SUPT3H: variants seen among roughly 807,000 people sequenced by gnomAD.
SUPT3H encodes SPT3 homolog, SAGA and STAGA complex component.
Under a neutral mutation model 44.3 loss-of-function variants are expected in SUPT3H, and 44 were observed. The observed-to-expected ratio is 0.99, with a 90% CI of 0.78 to 1.28. SUPT3H has a LOEUF of 1.28. Ranked by LOEUF, SUPT3H falls within the 50% of genes most tolerant of loss-of-function variation. SUPT3H has a pLI of 0.00. For missense variants in SUPT3H, 380 were observed against 387.1 expected (o/e 0.98, Z 0.15); for synonymous variants, 124 against 125.6 (o/e 0.99, Z 0.09).
chr6:45,312,026 C>T (rs1480399278), intron 2 of SUPT3H, among the ~76,000 whole-genome samples: 2 of 152,124 alleles, frequency 1.3e-5, no homozygotes, highest in Non-Finnish European at 2.9e-5. Context: ...TTATAACATA[C>T]AGAATTGCAG....
At chr6:44,890,288 T>G (rs1311416159) in intron 10 of SUPT3H, among the ~76,000 whole-genome samples, 3 of 150,722 alleles carry the variant, frequency 2.0e-5, no homozygotes, top group Admixed American at 6.7e-5. Context: ...TAAATCATGC[T>G]GCTATAAAGA....
intron 10 of SUPT3H, among the ~76,000 whole-genome samples, chr6:44,855,312 T>G (rs1475465369): frequency 6.6e-6 from 1 of 152,180 alleles, no homozygotes; most frequent in Non-Finnish European, 1.5e-5. Context: ...GCAGCAGTTT[T>G]TCATCTCCCC....
intron 2 of SUPT3H, among the ~76,000 whole-genome samples, chr6:45,227,963 G>A (rs995637119): frequency 1.1e-4 from 17 of 151,442 alleles, no homozygotes; most frequent in South Asian, 6.3e-4. Context: ...TAAGAATGGC[G>A]AAGAAAACAA....
chr6:45,047,608 T>C lies in SUPT3H; in HGVS notation c.187-26976A>G, dbSNP rs185389017. Among the ~76,000 whole-genome samples the C allele has an allele frequency of 7.2e-5, 11 of 152,240 alleles. No homozygotes were observed. The East Asian group carries it at 1.9e-3, about 27-fold the overall frequency. ...AAAAGGAGTTTTCAGATGGGAGAAATAACAGCATGTCTTTATTCTGATAAG... is the reference window on the plus strand; with the variant it reads ...AAAAGGAGTTTTCAGATGGGAGAAACAACAGCATGTCTTTATTCTGATAAG... On this transcript the variant is annotated intron_variant, in intron 3 of 10. Transcript: ENST00000371459.
intron 10 of SUPT3H, among the ~76,000 whole-genome samples, chr6:44,849,903 G>C (rs1381076578): frequency 1.3e-5 from 2 of 152,202 alleles, no homozygotes; most frequent in Non-Finnish European, 2.9e-5. Flanking sequence ...TGTTGGCAAT[G>C]TATTTAGCTG....
chr6:45,037,135 T>C (rs930889800), intron 3 of SUPT3H, among the ~76,000 whole-genome samples: 1 of 151,638 alleles, frequency 6.6e-6, no homozygotes, highest in African/African-American at 2.4e-5. Flanking sequence ...TATAAGAAAA[T>C]GCAAATATAG....
rs1013279410 is a variant in SUPT3H at position 45,277,350 on chromosome 6, T to C, written c.101+87851A>G. Among the ~76,000 whole-genome samples the C allele has an allele frequency of 2.0e-5, 3 of 152,212 alleles. 1 individual carries two copies. The highest frequency in any genetic ancestry group is 6.3e-3 in the Middle Eastern group (2 of 316). ...TAGAATTATTATCTAGGATTAGCACTTCTAATATGTCTGGAATCCTCAGGC... is the reference window on the plus strand; with the variant it reads ...TAGAATTATTATCTAGGATTAGCACCTCTAATATGTCTGGAATCCTCAGGC... On this transcript the variant is annotated intron_variant, in intron 2 of 10. Transcript: ENST00000371459.
At chr6:45,244,700 C>G (rs1202744334) in intron 2 of SUPT3H, among the ~76,000 whole-genome samples, 2 of 152,094 alleles carry the variant, frequency 1.3e-5, no homozygotes, top group Non-Finnish European at 2.9e-5. Flanking sequence ...TGCTATTACA[C>G]CTCAGTAAAC....
intron 3 of SUPT3H, among the ~76,000 whole-genome samples, chr6:45,097,296 A>C (rs1247001321): frequency 2.0e-5 from 3 of 152,192 alleles, no homozygotes; most frequent in East Asian, 3.9e-4. Flanking sequence ...TTAGTCAGGA[A>C]GTTTGCTACA....
chr6:45,313,337 A>G (rs986440719), intron 2 of SUPT3H, among the ~76,000 whole-genome samples: 1 of 152,126 alleles, frequency 6.6e-6, no homozygotes, highest in African/African-American at 2.4e-5. Flanking sequence ...ACAGTACAAA[A>G]GATACATGAA....
intron 2 of SUPT3H, among the ~76,000 whole-genome samples, chr6:45,175,446 A>T (rs1216350079): frequency 6.6e-6 from 1 of 152,136 alleles, no homozygotes; most frequent in Non-Finnish European, 1.5e-5. Context: ...CATGGGGGAA[A>T]CTGCCCCCAT....
At chr6:45,179,596 T>TCCAGCATATCAACGGAA (rs1201197676) in intron 2 of SUPT3H, among the ~76,000 whole-genome samples, 3 of 152,248 alleles carry the variant, frequency 2.0e-5, no homozygotes, top group Admixed American at 2.0e-4. Context: ...ATAAATGTAA[T>TCCAGCATATCAACGGAA]CCAGCATATC....
At chr6:44,940,697 T>C (rs1167112450) in intron 9 of SUPT3H, among the ~76,000 whole-genome samples, 2 of 152,148 alleles carry the variant, frequency 1.3e-5, no homozygotes, top group African/African-American at 4.8e-5. Flanking sequence ...AGTCTAGTAA[T>C]ATTTGTTTAG....
chr6:45,205,500 A>C (rs1478347228), intron 2 of SUPT3H, among the ~76,000 whole-genome samples: 6 of 152,312 alleles, frequency 3.9e-5, no homozygotes, highest in Non-Finnish European at 4.4e-5. Flanking sequence ...AAGAAAAGGA[A>C]GCTCAAAAAA....
At chr6:44,825,857 AT>A (rs1382308537), downstream of SUPT3H, among the ~76,000 whole-genome samples, 2 of 152,180 alleles carry the variant, frequency 1.3e-5, no homozygotes, top group Non-Finnish European at 2.9e-5. Context: ...TTCAGTAGTG[AT>A]GAGCAGAAAA....
intron 3 of SUPT3H, among the ~76,000 whole-genome samples, chr6:45,072,970 T>C (rs1310826415): frequency 6.6e-6 from 1 of 152,140 alleles, no homozygotes; most frequent in Non-Finnish European, 1.5e-5. Flanking sequence ...GAAACAATAG[T>C]ATCATTTATT....
chr6:44,926,308 G>A lies in SUPT3H; in HGVS notation c.912+6345C>T, dbSNP rs539267278. On this transcript the variant is annotated intron_variant, in intron 10 of 10. Transcript: ENST00000371459. ...ACAATTTTTTAAATCTTAAGACAAC[G>A]GAATATTATAGAGGAAAATACCAGT... Among the ~76,000 whole-genome samples the A allele has an allele frequency of 2.6e-5, 4 of 151,710 alleles. No homozygotes were observed. In the East Asian group the frequency reaches 7.7e-4, roughly 29 times the overall value.
At chr6:44,984,858 A>G (rs1008485592) in intron 6 of SUPT3H, among the ~76,000 whole-genome samples, 13 of 152,196 alleles carry the variant, frequency 8.5e-5, no homozygotes, top group African/African-American at 2.9e-4. Flanking sequence ...TCCTTTACAT[A>G]GTAGGAAATA....
rs1480561518 is a variant in SUPT3H, at chr6:45,328,795, C to A, written c.101+36406G>T. Reference sequence around the variant, plus strand: ...AAAACTTCTTTTGGGGTAAGTGTTACCATTTTTAAAATCCTGTAAGATATG... The same window carrying A: ...AAAACTTCTTTTGGGGTAAGTGTTAACATTTTTAAAATCCTGTAAGATATG... On this transcript the variant is annotated intron_variant, in intron 2 of 10. Coordinates refer to ENST00000371459, the MANE Select transcript of SUPT3H (RefSeq NM_003599.4). The A allele has an allele frequency of 3.1e-6, 5 of 1,611,426 alleles. No homozygotes were observed. The South Asian group carries it at 4.4e-5, about 14-fold the overall frequency.
Sources: allele counts gnomAD v4.1 joint callset (sites outside exome capture counted in the v4.1 genomes callset), GRCh38; gene constraint gnomAD v4.1.1; transcripts MANE v1.5; gene names NCBI Gene and HGNC (gene_info 2026-07-23, HGNC 2026-07-21).